Variants in PRDM11 observed in about 807,000 individuals in gnomAD.
PRDM11 encodes the protein PR domain-containing protein 11.
Under a neutral mutation model 97.8 loss-of-function variants are expected in PRDM11, and 20 were observed. That is an observed-to-expected ratio of 0.20 (90% CI 0.14 to 0.30). The LOEUF is 0.30. PRDM11 is among the 10% of genes least tolerant of loss of function. The pLI, the probability that PRDM11 is intolerant of heterozygous loss-of-function variation, is 1.00. For missense variants in PRDM11, 1,139 were observed against 1,555.2 expected (o/e 0.73, Z 4.50); for synonymous variants, 599 against 637.7 (o/e 0.94, Z 0.91).
chr11:45,224,710 T>C lies in PRDM11; in HGVS notation c.1236T>C (p.Pro412=). The change falls in exon 7 of 8, where the codon CCT becomes CCC. Residue 412 remains proline (P), a synonymous_variant. Transcript: ENST00000683152. ...AACTTCCCACCACCTCTTTTTGCCC[T>C]AACTGTATTCGCCTAAAGAAGAAGG... The part of the protein sequence containing the change: ...PHELPTTSFC[P]NCIRLKKKVR... The C allele has an allele frequency of 6.2e-7, 1 of 1,614,190 alleles. No homozygotes were observed. The highest frequency in any genetic ancestry group is 8.5e-7 in the Non-Finnish European group (1 of 1,180,046).
intron 5 of PRDM11, among the ~76,000 whole-genome samples, chr11:45,206,678 G>A (rs989332594): frequency 3.9e-5 from 6 of 152,186 alleles, no homozygotes; most frequent in Admixed American, 6.5e-5. Flanking sequence ...CTGGCACCCC[G>A]CAGATTGTGA....
chr11:45,226,455 G>A lies in PRDM11; in HGVS notation c.1830G>A (p.Arg610=). ...ALEGRPYLDF[R]PLAELLRKCE... ...AGGGCAGGCCCTACCTGGACTTCCG[G>A]CCCCTGGCGGAGCTGCTGAGGAAGT... The change falls in exon 8 of 8, where the codon CGG becomes CGA. Residue 610 remains arginine (R), a synonymous_variant. Transcript: ENST00000683152. 6.5e-7 allele frequency: 1 copy of A among 1,534,010 alleles called. No individual in the cohort carries two copies.
At chr11:45,212,965 G>A (rs1403573929) in intron 5 of PRDM11, 2 of 390,702 alleles carry the variant, frequency 5.1e-6, no homozygotes, top group South Asian at 3.7e-5. Flanking sequence ...AAGCCCCCCT[G>A]CCAGAGCCCC....
chr11:45,109,145 C>T (rs1486543121), intron 1 of PRDM11, among the ~76,000 whole-genome samples: 1 of 152,186 alleles, frequency 6.6e-6, no homozygotes, highest in East Asian at 1.9e-4. Flanking sequence ...TCACCTCTGA[C>T]CTGTGCTTAG....
rs1331978323 is a variant in PRDM11 at position 45,231,424 on chromosome 11, G to A, written c.*3265G>A. On this transcript the variant is annotated 3_prime_UTR_variant, in exon 8 of 8. Transcript: ENST00000683152. ...ACAGAACTGTGGAAAAGCAGTTGGT[G>A]GATCCCAAATGTTGTTACTTCAGAC... 1 of 152,150 alleles carries A rather than the reference G, an allele frequency of 6.6e-6. No homozygotes were observed. The allele number at this position is 152,150 out of a possible 1,614,324, so 9.4% of individuals were successfully genotyped here.
At chr11:45,222,342 G>A (rs923713377) in intron 6 of PRDM11, among the ~76,000 whole-genome samples, 1 of 152,170 alleles carries the variant, frequency 6.6e-6, no homozygotes, top group Non-Finnish European at 1.5e-5. Flanking sequence ...AAACAATGAC[G>A]AGGAATCTCT....
At chr11:45,131,306 G>A (rs1342307011) in intron 1 of PRDM11, among the ~76,000 whole-genome samples, 1 of 152,196 alleles carries the variant, frequency 6.6e-6, no homozygotes, top group Non-Finnish European at 1.5e-5. Flanking sequence ...TGATTTGGGT[G>A]TTGGTTATAT....
At chr11:45,181,591 G>T (rs572309535) in intron 1 of PRDM11, among the ~76,000 whole-genome samples, 170 bp from the exon 2 acceptor site, 1 of 152,190 alleles carries the variant, frequency 6.6e-6, no homozygotes, top group Non-Finnish European at 1.5e-5. Flanking sequence ...ATTTCCTCTT[G>T]GCCGGGCTAC....
intron 6 of PRDM11, among the ~76,000 whole-genome samples, chr11:45,222,202 G>T (rs894213743): frequency 6.6e-6 from 1 of 152,078 alleles, no homozygotes; most frequent in African/African-American, 2.4e-5. Context: ...CTTTGTTTTT[G>T]TTTTCCATGT....
intron 1 of PRDM11, among the ~76,000 whole-genome samples, chr11:45,148,699 T>C (rs903602730): frequency 6.6e-6 from 1 of 152,226 alleles, no homozygotes; most frequent in Non-Finnish European, 1.5e-5. Flanking sequence ...GGTTGATGTG[T>C]TCCATCAATT....
At chr11:45,097,995 C>G (rs1201291361) in intron 1 of PRDM11, among the ~76,000 whole-genome samples, 1 of 152,214 alleles carries the variant, frequency 6.6e-6, no homozygotes, top group African/African-American at 2.4e-5. Flanking sequence ...GATGAAAAAT[C>G]CATTCGTGGC....
intron 1 of PRDM11, among the ~76,000 whole-genome samples, chr11:45,106,166 T>G (rs1852058005): frequency 6.6e-6 from 1 of 152,186 alleles, no homozygotes; most frequent in African/African-American, 2.4e-5. Flanking sequence ...CTGGGGTCAC[T>G]GCAGTCCCTC....
intron 1 of PRDM11, among the ~76,000 whole-genome samples, chr11:45,114,181 G>GACTT (rs1259182272): frequency 2.0e-5 from 3 of 152,094 alleles, no homozygotes; most frequent in African/African-American, 7.2e-5. Flanking sequence ...TATGCTCAAG[G>GACTT]ACTTAAAGAA....
At chr11:45,100,076 G>A (rs932574763) in intron 1 of PRDM11, among the ~76,000 whole-genome samples, 2 of 152,110 alleles carry the variant, frequency 1.3e-5, no homozygotes, top group African/African-American at 4.8e-5. Flanking sequence ...ATCATAAAAT[G>A]GCATCATTTG....
intron 1 of PRDM11, among the ~76,000 whole-genome samples, chr11:45,173,981 C>T (rs1308385078): frequency 6.6e-6 from 1 of 152,184 alleles, no homozygotes; most frequent in Non-Finnish European, 1.5e-5. Flanking sequence ...ATGGGATGAG[C>T]ACCCAGATGA....
chr11:45,147,136 C>T (rs1214410053), intron 1 of PRDM11, among the ~76,000 whole-genome samples: 1 of 151,396 alleles, frequency 6.6e-6, no homozygotes, highest in Non-Finnish European at 1.5e-5. Flanking sequence ...GGGGGCCGCC[C>T]TCCGCCTCCT....
chr11:45,183,121 C>T lies in PRDM11; in HGVS notation c.484C>T (p.Leu162=), dbSNP rs368313733. The T allele has an allele frequency of 6.2e-7, 1 of 1,611,266 alleles. No homozygotes were observed. The highest frequency in any genetic ancestry group is 8.5e-7 in the Non-Finnish European group (1 of 1,178,680). Residue 162 remains leucine (L), a splice_region_variant and synonymous_variant, in exon 4 of 8, where the codon CTG becomes TTG. Coordinates refer to ENST00000683152, the MANE Select transcript of PRDM11 (RefSeq NM_001384648.1). ...QDKSAGFFSW[L]IVDKNNRYKS... ...CAAATCAGCTGGCTTCTTCTCCTGG[C>T]TGGTGAGTGTGCCCTGGGCTATTCA...
At chr11:45,157,041 G>T (rs1163555886) in intron 1 of PRDM11, among the ~76,000 whole-genome samples, 1 of 152,066 alleles carries the variant, frequency 6.6e-6, no homozygotes, top group African/African-American at 2.4e-5. Context: ...TTGAGACTTT[G>T]CCCTGGAGGC....
chr11:45,212,573 C>T (rs887532010), intron 5 of PRDM11: 23 of 456,212 alleles, frequency 5.0e-5, no homozygotes, highest in African/African-American at 2.6e-4. Flanking sequence ...CGCCCTGCTC[C>T]GTTCATCCTC....
Sources: gnomAD v4.1 joint callset for allele counts (sites outside exome capture counted in the v4.1 genomes callset) on GRCh38, gnomAD v4.1.1 for gene constraint, MANE v1.5 for transcripts, NCBI Gene and HGNC (gene_info 2026-07-23, HGNC 2026-07-21) for gene names.